The following NEXMIF variants were observed in gnomAD, a reference collection of about 807,000 sequenced individuals.
The protein encoded by NEXMIF is neurite extension and migration factor.
In NEXMIF, 8 loss-of-function variants were observed where a neutral mutation model predicts 62.1. That is an observed-to-expected ratio of 0.13 (90% CI 0.08 to 0.23). The LOEUF is 0.23. NEXMIF is among the 10% of genes least tolerant of loss of function. The pLI, the probability that NEXMIF is intolerant of heterozygous loss-of-function variation, is 1.00. For missense variants in NEXMIF, 976 were observed against 1,113.3 expected (o/e 0.88, Z 1.75); for synonymous variants, 404 against 416.6 (o/e 0.97, Z 0.37).
Position 74,743,142 on chromosome X carries a change from G to C in NEXMIF, c.1415C>G (p.Ser472Cys), listed in dbSNP as rs770738202. Residue 472 changes from serine to cysteine, a missense_variant, in exon 3 of 4, where the codon TCC (serine) becomes TGC (cysteine). Physicochemically the swap from Ser to Cys is moderately radical, Grantham distance 112. Around this residue, in one of 5 missense-constraint regions of NEXMIF, gnomAD observed 639 missense variants for 694.5 expected, o/e 0.92. Transcript: ENST00000055682. The part of the protein sequence containing the change: ...YMARDTNSGS[S>C]SSQQNYGLRA... Reference sequence around the variant, plus strand: ...CAGCCCATAGTTCTGTTGGGAGGAGGAGCTGCCAGAATTAGTGTCCCGAGC... The same window carrying C: ...CAGCCCATAGTTCTGTTGGGAGGAGCAGCTGCCAGAATTAGTGTCCCGAGC... The C allele has an allele frequency of 1.8e-5, 22 of 1,210,763 alleles. No homozygotes were observed. The highest frequency in any genetic ancestry group is 2.5e-5 in the Non-Finnish European group (22 of 895,281).
chrX:74,854,630 T>A (rs185215453), intron 1 of NEXMIF, among the ~76,000 whole-genome samples: 1 of 111,306 alleles, frequency 9.0e-6, no homozygotes, highest in Non-Finnish European at 1.9e-5. Context: ...AAAGAGGAAG[T>A]CAAACTATCC....
At chrX:74,776,424 T>C (rs2080228579) in intron 1 of NEXMIF, among the ~76,000 whole-genome samples, 1 of 111,348 alleles carries the variant, frequency 9.0e-6, no homozygotes, top group Non-Finnish European at 1.9e-5. Context: ...ACTTTATTCC[T>C]AGAAAAGTAG....
chrX:74,911,432 G>A (rs1416028176), intron 1 of NEXMIF, among the ~76,000 whole-genome samples: 1 of 111,457 alleles, frequency 9.0e-6, no homozygotes, highest in Non-Finnish European at 1.9e-5. Context: ...TGGCATATTT[G>A]GAGCCTTCTT....
intron 1 of NEXMIF, among the ~76,000 whole-genome samples, chrX:74,912,876 A>G (rs2080795267): frequency 9.0e-6 from 1 of 111,710 alleles, no homozygotes; most frequent in Non-Finnish European, 1.9e-5. Context: ...CTGCCCTCCA[A>G]CTGTCAACAA....
rs373566578 is a variant in NEXMIF, at chrX:74,741,708, T to C, written c.2849A>G (p.Tyr950Cys). ...GAGTTGGGTATCTTGCATGGAGTCA[T>C]ACAGGACCTTGTTGCAATTACTGCC... is the stretch of plus-strand genomic sequence containing the variant. ...SGGSNCNKVL[Y>C]DSMQDTQLPS... The change falls in exon 3 of 4, where the codon TAT becomes TGT. Residue 950 changes from tyrosine (Y) to cysteine (C), a missense_variant. Around this residue, in one of 5 missense-constraint regions of NEXMIF, gnomAD observed 639 missense variants for 694.5 expected, o/e 0.92. Coordinates refer to ENST00000055682, the MANE Select transcript of NEXMIF (RefSeq NM_001008537.3). 3 of 1,209,969 alleles carry C rather than the reference T, an allele frequency of 2.5e-6. No homozygotes were observed. In the African/African-American group the frequency reaches 5.2e-5, roughly 21 times the overall value.
intron 1 of NEXMIF, among the ~76,000 whole-genome samples, chrX:74,900,462 CAAAAAA>C (rs758887978): frequency 3.0e-5 from 1 of 33,399 alleles, no homozygotes; most frequent in Non-Finnish European, 6.0e-5. Flanking sequence ...GACTCCGTCT[CAAAAAA>C]AAAAAAAAAA....
chrX:74,884,077 T>C (rs1157094900), intron 1 of NEXMIF, among the ~76,000 whole-genome samples: 4 of 111,801 alleles, frequency 3.6e-5, no homozygotes, highest in African/African-American at 1.3e-4. Context: ...AATAAAATTC[T>C]TTACAGACAA....
At position 74,743,916 on chromosome X, in the gene NEXMIF, G is replaced by A; in HGVS notation, c.641C>T (p.Ala214Val). Reference sequence around the variant, plus strand: ...TTTCTCAGTTTCTCGTCTGTCTCCTGCCCTTGACTTATGCAGGGGGAAGCC... The same window carrying A: ...TTTCTCAGTTTCTCGTCTGTCTCCTACCCTTGACTTATGCAGGGGGAAGCC... The part of the protein sequence containing the change: ...LLGFPLHKSR[A>V]GDRRETEKPD... Residue 214 changes from alanine to valine, a missense_variant, in exon 3 of 4, where the codon GCA becomes GTA. Physicochemically the swap from Ala to Val is moderately conservative, Grantham distance 64. This residue lies in a region of NEXMIF where 45 missense variants were observed against 86.8 expected (regional missense o/e 0.52). Transcript: ENST00000055682. 8.3e-7 allele frequency: 1 copy of A among 1,211,103 alleles called. No homozygotes were observed. Among genetic ancestry groups the A allele is most frequent in the Non-Finnish European group, 1.1e-6 (1 of 894,911 alleles).
At chrX:74,874,612 T>C (rs1457074746) in intron 1 of NEXMIF, among the ~76,000 whole-genome samples, 1 of 92,294 alleles carries the variant, frequency 1.1e-5, no homozygotes, top group African/African-American at 4.1e-5. Context: ...ATATTGATTC[T>C]TCCTACCCAT....
chrX:74,796,116 T>C (rs2080305971), intron 1 of NEXMIF, among the ~76,000 whole-genome samples: 1 of 78,846 alleles, frequency 1.3e-5, no homozygotes, highest in East Asian at 3.7e-4. Flanking sequence ...ATATATATTA[T>C]ATATATATTT....
At chrX:74,795,148 A>T (rs993094903) in intron 1 of NEXMIF, among the ~76,000 whole-genome samples, 1 of 112,140 alleles carries the variant, frequency 8.9e-6, no homozygotes, top group Non-Finnish European at 1.9e-5. Flanking sequence ...TAAAAGTTAG[A>T]CCTACCATAT....
chrX:74,863,046 C>T lies in NEXMIF; in HGVS notation c.-48+61837G>A, dbSNP rs751071495. Among the ~76,000 whole-genome samples the T allele has an allele frequency of 4.5e-5, 5 of 110,011 alleles. No individual in the cohort carries two copies. The East Asian group carries it at 1.4e-3, about 32-fold the overall frequency. On this transcript the variant is annotated intron_variant, in intron 1 of 3. Coordinates refer to ENST00000055682, the MANE Select transcript of NEXMIF (RefSeq NM_001008537.3). ...ACTTAGCCGGGTGTGGTGGCATGTG[C>T]TTGTAGTCCCCCCTATTCGGGAGGC...
intron 1 of NEXMIF, among the ~76,000 whole-genome samples, chrX:74,878,069 T>A (rs1443904812): frequency 9.0e-6 from 1 of 111,725 alleles, no homozygotes; most frequent in Non-Finnish European, 1.9e-5. Context: ...GTCGCTCTGC[T>A]TTTTAGAGTT....
In NEXMIF at chrX:74,903,782, G is replaced by A. The variant is rs761674267; in HGVS notation, c.-48+21101C>T. 1.1e-3 allele frequency among the ~76,000 whole-genome samples: 127 copies of A among 110,967 alleles called. 1 individual carries two copies. Among genetic ancestry groups the A allele is most frequent in the African/African-American group, 3.9e-3 (119 of 30,507 alleles). On this transcript the variant is annotated intron_variant, in intron 1 of 3. Coordinates refer to ENST00000055682, the MANE Select transcript of NEXMIF (RefSeq NM_001008537.3). ...GTTGAACTGACTAGAATAATAAACCGTCACTTTCCTTTCTCCCAGCAAGCC... is the reference window on the plus strand; with the variant it reads ...GTTGAACTGACTAGAATAATAAACCATCACTTTCCTTTCTCCCAGCAAGCC...
At chrX:74,876,765 T>C (rs1259925103) in intron 1 of NEXMIF, among the ~76,000 whole-genome samples, 3 of 101,598 alleles carry the variant, frequency 3.0e-5, no homozygotes, top group Non-Finnish European at 6.0e-5. Context: ...TTGTCTCTTT[T>C]GATCTTTGTT....
At chrX:74,803,573 A>T (rs1481668768) in intron 1 of NEXMIF, among the ~76,000 whole-genome samples, 1 of 108,311 alleles carries the variant, frequency 9.2e-6, no homozygotes, top group Non-Finnish European at 1.9e-5. Flanking sequence ...GTCTCAAAAA[A>T]ATAAATAAAT....
At chrX:74,892,654 T>A (rs930388733) in intron 1 of NEXMIF, among the ~76,000 whole-genome samples, 6 of 112,363 alleles carry the variant, frequency 5.3e-5, no homozygotes, top group Non-Finnish European at 9.4e-5. Flanking sequence ...TTTGCATTCA[T>A]TTTCCAACAT....
At chrX:74,838,899 A>G (rs1266187357) in intron 1 of NEXMIF, among the ~76,000 whole-genome samples, 1 of 112,126 alleles carries the variant, frequency 8.9e-6, no homozygotes, top group Non-Finnish European at 1.9e-5. Context: ...TACAATTTTA[A>G]TTCCTCTTTA....
At chrX:74,867,109 C>T (rs765310643) in intron 1 of NEXMIF, among the ~76,000 whole-genome samples, 2 of 111,610 alleles carry the variant, frequency 1.8e-5, no homozygotes, top group South Asian at 7.5e-4. Context: ...GAAATACAAA[C>T]CACTGCTCAA....
Sources: allele counts gnomAD v4.1 joint callset (sites outside exome capture counted in the v4.1 genomes callset), GRCh38; gene constraint gnomAD v4.1.1; regional missense constraint gnomAD v4.1.1; transcripts MANE v1.5; gene names NCBI Gene and HGNC (gene_info 2026-07-23, HGNC 2026-07-21).